KIF21A: variants seen among roughly 807,000 people sequenced by gnomAD.
KIF21A encodes the protein kinesin-like protein KIF21A.
In KIF21A, 114 loss-of-function variants were observed where a neutral mutation model predicts 202.9. The ratio of observed to expected loss-of-function variants is 0.56; its 90% CI spans 0.48 to 0.66. KIF21A has a LOEUF of 0.66. KIF21A is among the 30% of genes least tolerant of loss of function. KIF21A has a pLI of 0.00. For missense variants in KIF21A, 1,677 were observed against 1,994.9 expected (o/e 0.84, Z 3.04); for synonymous variants, 667 against 670.8 (o/e 0.99, Z 0.09).
At chr12:39,424,882 A>G (rs1286630930) in intron 1 of KIF21A, among the ~76,000 whole-genome samples, 1 of 152,110 alleles carries the variant, frequency 6.6e-6, no homozygotes, top group Admixed American at 6.6e-5. Context: ...TCACATCTCT[A>G]CTTGAAGCTC....
At chr12:39,294,708 C>T (rs1942129372) in intron 37 of KIF21A, among the ~76,000 whole-genome samples, 191 bp from the exon 38 acceptor site, 1 of 152,196 alleles carries the variant, frequency 6.6e-6, no homozygotes, top group African/African-American at 2.4e-5. Flanking sequence ...CAAGGGCTTA[C>T]TGTGAGCCAG....
At chr12:39,324,811 C>A (rs1323388877) in intron 26 of KIF21A, among the ~76,000 whole-genome samples, 1 of 152,154 alleles carries the variant, frequency 6.6e-6, no homozygotes, top group Admixed American at 6.5e-5. Flanking sequence ...ACCTGATTAA[C>A]CACTGTGGGC....
chr12:39,313,789 AGACTTAC>A (rs1014722701), intron 31 of KIF21A, among the ~76,000 whole-genome samples: 57 of 152,070 alleles, frequency 3.7e-4, no homozygotes, highest in African/African-American at 1.3e-3. Flanking sequence ...AGACAGCGAT[AGACTTAC>A]TGCATTCTAT....
Position 39,340,242 on chromosome 12 carries a change from AC to A in KIF21A, c.2232del (p.Arg744SerfsTer13). 1 of 1,613,228 alleles carries A rather than the reference AC, an allele frequency of 6.2e-7. No individual in the cohort carries two copies. The highest frequency in any genetic ancestry group is 8.5e-7 in the Non-Finnish European group (1 of 1,179,634). ...TCATACTGAGACTGATTTTTAAGCA[AC>A]CTTGCATGTTCTTTTTGAGCTGCTT... ...RLQAAQKEHA[R>X]LLKNQSQYEK... On this transcript the variant is annotated frameshift_variant, in exon 16 of 38. Transcript: ENST00000361418. LOFTEE classifies it high-confidence loss of function.
chr12:39,355,312 A>G (rs1445340368), intron 10 of KIF21A, among the ~76,000 whole-genome samples: 1 of 152,194 alleles, frequency 6.6e-6, no homozygotes, highest in Non-Finnish European at 1.5e-5. Context: ...GGAAATAAGC[A>G]CTAGTCAAGC....
At chr12:39,358,831 G>A (rs561568854) in intron 7 of KIF21A, among the ~76,000 whole-genome samples, 1 of 152,236 alleles carries the variant, frequency 6.6e-6, no homozygotes, top group South Asian at 2.1e-4. Context: ...AGAGTACTTA[G>A]TATATTCTTG....
At chr12:39,319,765 G>A (rs937952909) in intron 28 of KIF21A, 141 bp downstream of exon 28, 9 of 623,742 alleles carry the variant, frequency 1.4e-5, no homozygotes, top group Admixed American at 1.1e-4. Context: ...GCCAAAAGCT[G>A]ACTTGACTGT....
intron 12 of KIF21A, 24 bp downstream of exon 12, chr12:39,346,442 A>G (rs1341514453): frequency 2.1e-6 from 3 of 1,447,792 alleles, no homozygotes; most frequent in South Asian, 1.5e-5. Context: ...ACATTTTAAT[A>G]AAAAACCTGG....
Position 39,343,865 on chromosome 12 carries a change from C to A in KIF21A, c.1713-1741G>T, listed in dbSNP as rs373513957. On this transcript the variant is annotated intron_variant, in intron 12 of 37. Transcript: ENST00000361418. ...TGAAGTAAGTGTTTGTTAAATAAACCAATCCCTGTGACTATGCATGAGCAC... is the reference window on the plus strand; with the variant it reads ...TGAAGTAAGTGTTTGTTAAATAAACAAATCCCTGTGACTATGCATGAGCAC... 7.9e-5 allele frequency among the ~76,000 whole-genome samples: 12 copies of A among 152,280 alleles called. No homozygotes were observed. In the East Asian group the frequency reaches 1.4e-3, roughly 17 times the overall value.
intron 11 of KIF21A, among the ~76,000 whole-genome samples, chr12:39,346,850 C>G (rs11171797): frequency 0.068 from 10,264 of 151,666 alleles, 531 homozygotes; most frequent in South Asian, 0.28. Flanking sequence ...ATTTACTCAG[C>G]TTCCCCCAAA....
chr12:39,379,856 G>A (rs1455798599), intron 1 of KIF21A, among the ~76,000 whole-genome samples: 2 of 152,188 alleles, frequency 1.3e-5, no homozygotes, highest in Non-Finnish European at 2.9e-5. Context: ...CCTTGAGGCT[G>A]CCTGTTCTCC....
In KIF21A at chr12:39,293,707, C is replaced by T. The variant is rs1292460514; in HGVS notation, c.*717G>A. The T allele has an allele frequency of 6.6e-6, 1 of 151,438 alleles. No homozygotes were observed. Among genetic ancestry groups the T allele is most frequent in the Admixed American group, 6.6e-5 (1 of 15,186 alleles). The allele number at this position is 151,438 out of a possible 1,614,324, so 9.4% of individuals were successfully genotyped here. A position where few individuals can be genotyped will look rare whatever the true frequency, so the allele number is the denominator to read the frequency against. ...CTGTTAGGACATCAACAATGTTTCC[C>T]ATCACAGAATATATGCACAGCACTG... On this transcript the variant is annotated 3_prime_UTR_variant, in exon 38 of 38. Transcript: ENST00000361418.
chr12:39,367,575 A>G (rs1949683934), intron 4 of KIF21A, among the ~76,000 whole-genome samples: 1 of 152,220 alleles, frequency 6.6e-6, no homozygotes, highest in Admixed American at 6.5e-5. Context: ...AAAAAGTACA[A>G]AAGGATTGTG....
intron 31 of KIF21A, chr12:39,312,493 T>C (rs1315090974): frequency 6.6e-6 from 1 of 151,960 alleles, no homozygotes; most frequent in Non-Finnish European, 1.5e-5. Flanking sequence ...ATAATAATTG[T>C]ACATTTTAAA....
intron 1 of KIF21A, among the ~76,000 whole-genome samples, chr12:39,441,719 A>G (rs1017358243): frequency 7.1e-6 from 1 of 140,644 alleles, no homozygotes; most frequent in African/African-American, 2.6e-5. Flanking sequence ...TTAATTAAAG[A>G]TACAAAGTAT....
intron 1 of KIF21A, among the ~76,000 whole-genome samples, chr12:39,400,384 C>T (rs1013819832): frequency 6.6e-6 from 1 of 152,106 alleles, no homozygotes; most frequent in South Asian, 2.1e-4. Flanking sequence ...CAACCCATCA[C>T]CTAGGTATTA....
chr12:39,435,100 C>T (rs957429344), intron 1 of KIF21A, among the ~76,000 whole-genome samples: 2 of 152,146 alleles, frequency 1.3e-5, no homozygotes, highest in Non-Finnish European at 2.9e-5. Flanking sequence ...CTTGAGCTGT[C>T]CTTGATGTTT....
chr12:39,300,984 G>A (rs1942904222), intron 37 of KIF21A, among the ~76,000 whole-genome samples: 1 of 152,058 alleles, frequency 6.6e-6, no homozygotes, highest in Non-Finnish European at 1.5e-5. Flanking sequence ...CAGGAGTCTG[G>A]AACAATTCCC....
At chr12:39,296,261 G>A (rs1466501685) in intron 37 of KIF21A, among the ~76,000 whole-genome samples, 13 of 150,132 alleles carry the variant, frequency 8.7e-5, no homozygotes, top group Admixed American at 7.3e-4. Context: ...AGTAGGGACA[G>A]GGTTTCACCG....
Sources: gnomAD v4.1 joint callset for allele counts (sites outside exome capture counted in the v4.1 genomes callset) on GRCh38, gnomAD v4.1.1 for gene constraint, MANE v1.5 for transcripts, NCBI Gene and HGNC (gene_info 2026-07-23, HGNC 2026-07-21) for gene names.